The following CYP2C18 variants were observed in gnomAD, a reference collection of about 807,000 sequenced individuals.
The protein encoded by CYP2C18 is cytochrome P450 family 2 subfamily C member 18.
CYP2C18 carries 38 observed loss-of-function variants against 41.3 expected under a neutral mutation model. The observed-to-expected ratio is 0.92, with a 90% CI of 0.71 to 1.21. CYP2C18 has a LOEUF of 1.21. CYP2C18 is among the 50% of genes most tolerant of loss of function. CYP2C18 has a pLI of 0.00. For missense variants in CYP2C18, 635 were observed against 591.4 expected (o/e 1.07, Z -0.77); for synonymous variants, 236 against 210.0 (o/e 1.12, Z -1.07).
rs753909866 is a variant in CYP2C18 at position 94,695,024 on chromosome 10, T to G, written c.589T>G (p.Leu197Val). The G allele has an allele frequency of 6.2e-7, 1 of 1,613,282 alleles. No individual in the cohort carries two copies. The highest frequency in any genetic ancestry group is 1.1e-5 in the South Asian group (1 of 90,996). The change falls in exon 4 of 9, where the codon TTG (leucine) becomes GTG (valine). Residue 197 changes from leucine to valine, a missense_variant. Physicochemically the swap from Leu to Val is conservative, Grantham distance 32. Transcript: ENST00000285979. ...TTATAAAGATCAGAGGTTTCTTAACTTGATGGAAAAATTCAATGAAAACCT... is the reference window on the plus strand; with the variant it reads ...TTATAAAGATCAGAGGTTTCTTAACGTGATGGAAAAATTCAATGAAAACCT... ...FDYKDQRFLN[L>V]MEKFNENLRI...
chr10:94,711,601 G>A (rs1250745087), intron 5 of CYP2C18, among the ~76,000 whole-genome samples: 1 of 151,774 alleles, frequency 6.6e-6, no homozygotes, highest in Non-Finnish European at 1.5e-5. Context: ...ATAGAGATAG[G>A]GTCTCACTGT....
chr10:94,695,980 C>T (rs1050657272), intron 4 of CYP2C18, among the ~76,000 whole-genome samples: 3 of 152,144 alleles, frequency 2.0e-5, no homozygotes, highest in Admixed American at 6.5e-5. Flanking sequence ...AACAAAGTGG[C>T]CGGGAAGCTG....
intron 4 of CYP2C18, among the ~76,000 whole-genome samples, chr10:94,697,025 G>A (rs1006206012): frequency 6.6e-6 from 1 of 152,164 alleles, no homozygotes; most frequent in Admixed American, 6.5e-5. Context: ...GAAAGTGACG[G>A]GGAGAATGGA....
At chr10:94,702,148 T>C (rs1179589276) in intron 4 of CYP2C18, among the ~76,000 whole-genome samples, 8 of 152,208 alleles carry the variant, frequency 5.3e-5, no homozygotes, top group Non-Finnish European at 8.8e-5. Context: ...CTAACCTTTC[T>C]CTCTGGCTGC....
At chr10:94,693,425 G>A (rs1847050763) in intron 3 of CYP2C18, among the ~76,000 whole-genome samples, 1 of 152,160 alleles carries the variant, frequency 6.6e-6, no homozygotes, top group Admixed American at 6.5e-5. Context: ...AGAACTAGGA[G>A]CCAATTAAAC....
At chr10:94,710,607 C>A (rs1847418554) in intron 5 of CYP2C18, among the ~76,000 whole-genome samples, 4 of 152,090 alleles carry the variant, frequency 2.6e-5, no homozygotes, top group Admixed American at 2.0e-4. Flanking sequence ...TTGTACATAA[C>A]CACTGATTTT....
At chr10:94,712,212 G>T (rs894005651) in intron 5 of CYP2C18, among the ~76,000 whole-genome samples, 1 of 150,458 alleles carries the variant, frequency 6.6e-6, no homozygotes, top group African/African-American at 2.5e-5. Flanking sequence ...GGAATCCATG[G>T]ATAGGAAGGT....
intron 3 of CYP2C18, among the ~76,000 whole-genome samples, chr10:94,694,123 C>T (rs571548441): frequency 5.6e-4 from 85 of 152,180 alleles, no homozygotes; most frequent in Non-Finnish European, 1.2e-3. Flanking sequence ...AGAGGTCAGG[C>T]TTTGTTCAAA....
intron 7 of CYP2C18, among the ~76,000 whole-genome samples, chr10:94,732,863 C>T (rs1275908349): frequency 1.3e-5 from 2 of 151,898 alleles, no homozygotes; most frequent in Non-Finnish European, 1.5e-5. Context: ...GCTCTCTACT[C>T]GGGTGATGGA....
intron 4 of CYP2C18, among the ~76,000 whole-genome samples, chr10:94,697,704 A>T (rs1847146313): frequency 6.6e-6 from 1 of 152,230 alleles, no homozygotes; most frequent in South Asian, 2.1e-4. Flanking sequence ...TAAAGAGTCA[A>T]GATCCATCAG....
intron 5 of CYP2C18, among the ~76,000 whole-genome samples, chr10:94,715,233 A>G (rs1180661897): frequency 6.6e-6 from 1 of 152,198 alleles, no homozygotes; most frequent in Non-Finnish European, 1.5e-5. Flanking sequence ...AGAAGTGGTG[A>G]GAGAGGGCAT....
chr10:94,726,346 C>T (rs1444902189), intron 7 of CYP2C18, among the ~76,000 whole-genome samples: 1 of 152,084 alleles, frequency 6.6e-6, no homozygotes, highest in African/African-American at 2.4e-5. Flanking sequence ...TATCCCTCCC[C>T]TAGCCCCAAC....
intron 4 of CYP2C18, among the ~76,000 whole-genome samples, chr10:94,697,907 G>A (rs997277570): frequency 6.6e-6 from 1 of 152,112 alleles, no homozygotes; most frequent in African/African-American, 2.4e-5. Context: ...ATGGTAAAGG[G>A]ATCAATTCAA....
At chr10:94,722,684 C>A (rs1847667502) in intron 6 of CYP2C18, among the ~76,000 whole-genome samples, 1 of 152,154 alleles carries the variant, frequency 6.6e-6, no homozygotes, top group African/African-American at 2.4e-5. Context: ...TCCACAACTC[C>A]ATTTGTCAAC....
At chr10:94,715,617 C>T (rs532527187) in intron 5 of CYP2C18, among the ~76,000 whole-genome samples, 98 of 152,218 alleles carry the variant, frequency 6.4e-4, no homozygotes, top group African/African-American at 2.1e-3. Context: ...TATCGATGTG[C>T]ATCAGGAATT....
intron 4 of CYP2C18, among the ~76,000 whole-genome samples, chr10:94,700,880 C>T (rs555703395): frequency 3.8e-4 from 58 of 152,322 alleles, no homozygotes; most frequent in African/African-American, 1.3e-3. Flanking sequence ...TGCTCATCAT[C>T]ACTGGCCATC....
chr10:94,694,405 T>C (rs1847074498), intron 3 of CYP2C18, among the ~76,000 whole-genome samples: 1 of 152,200 alleles, frequency 6.6e-6, no homozygotes, highest in African/African-American at 2.4e-5. Context: ...ATTTGTTCCA[T>C]CAACCTGAAT....
chr10:94,718,464 A>T (rs920839795), intron 5 of CYP2C18, among the ~76,000 whole-genome samples: 4 of 152,076 alleles, frequency 2.6e-5, no homozygotes, highest in African/African-American at 9.7e-5. Flanking sequence ...TCTGGCTAGT[A>T]CTTCTCATAC....
chr10:94,706,207 CTCTG>C (rs1359142314), intron 4 of CYP2C18, among the ~76,000 whole-genome samples: 1 of 152,156 alleles, frequency 6.6e-6, no homozygotes, highest in Non-Finnish European at 1.5e-5. Flanking sequence ...ATGTCCTGAA[CTCTG>C]TCTAAAGGAT....
Sources: allele counts gnomAD v4.1 joint callset (sites outside exome capture counted in the v4.1 genomes callset), GRCh38; gene constraint gnomAD v4.1.1; transcripts MANE v1.5; gene names NCBI Gene and HGNC (gene_info 2026-07-23, HGNC 2026-07-21).